The following SPATA6L variants were observed in gnomAD, a reference collection of about 807,000 sequenced individuals.
SPATA6L encodes spermatogenesis associated 6-like protein.
In SPATA6L, 68 loss-of-function variants were observed where a neutral mutation model predicts 49.2. The ratio of observed to expected loss-of-function variants is 1.38; its 90% CI spans 1.14 to 1.69. The LOEUF (loss-of-function observed/expected upper bound fraction) is 1.69. Among genes scored for constraint, SPATA6L ranks in the 40% most tolerant of loss-of-function variants. The probability of loss-of-function intolerance (pLI) is 0.00; values close to 1 mark genes in which losing one functional copy is unlikely to be tolerated. For missense variants in SPATA6L, 668 were observed against 464.3 expected (o/e 1.44, Z -4.03); for synonymous variants, 198 against 165.7 (o/e 1.19, Z -1.50).
intron 1 of SPATA6L, chr9:4,663,427 A>C (rs895603331): frequency 2.7e-6 from 2 of 733,140 alleles, no homozygotes; most frequent in Non-Finnish European, 4.6e-6. Flanking sequence ...TGGAGCACAC[A>C]CTGGCCATTA....
chr9:4,609,720 C>T (rs1281376096), intron 9 of SPATA6L, among the ~76,000 whole-genome samples: 3 of 151,330 alleles, frequency 2.0e-5, no homozygotes, highest in Non-Finnish European at 4.4e-5. Context: ...GAAGCATTCC[C>T]TTTGAAAACT....
chr9:4,633,912 T>A (rs1253641492), intron 4 of SPATA6L, among the ~76,000 whole-genome samples: 1 of 152,222 alleles, frequency 6.6e-6, no homozygotes, highest in East Asian at 1.9e-4. Context: ...TATAATTTGA[T>A]TAAGTTAATT....
At chr9:4,594,932 G>T (rs1822146663), downstream of SPATA6L, among the ~76,000 whole-genome samples, 1 of 151,968 alleles carries the variant, frequency 6.6e-6, no homozygotes, top group South Asian at 2.1e-4. Flanking sequence ...CACCCACCTT[G>T]ACCCCTAGTA....
At chr9:4,654,533 G>A (rs1474706618) in intron 3 of SPATA6L, among the ~76,000 whole-genome samples, 1 of 152,216 alleles carries the variant, frequency 6.6e-6, no homozygotes, top group Non-Finnish European at 1.5e-5. Flanking sequence ...AGGACAGAGG[G>A]CTTTCTGTAC....
chr9:4,618,243 A>T, intron 8 of SPATA6L, 133 bp from the exon 9 acceptor site: 1 of 658,488 alleles, frequency 1.5e-6, no homozygotes, highest in East Asian at 2.9e-5. Flanking sequence ...ATCTCCTGCA[A>T]ATAGAAGAGG....
intron 6 of SPATA6L, 155 bp downstream of exon 6, chr9:4,625,172 G>A: frequency 3.0e-6 from 4 of 1,339,994 alleles, no homozygotes; most frequent in Non-Finnish European, 2.9e-6. Context: ...AACGATCTAG[G>A]AAATGAACAT....
At position 4,663,352 on chromosome 9, in the gene SPATA6L, C is replaced by G. The variant is rs1277597418; in HGVS notation, c.40-1316G>C. The G allele has an allele frequency of 1.1e-5, 15 of 1,366,358 alleles. No homozygotes were observed. In the Admixed American group the frequency reaches 2.3e-4, roughly 21 times the overall value. The allele number at this position is 1,366,358 out of a possible 1,614,324, so 84.6% of individuals were successfully genotyped here. On this transcript the variant is annotated intron_variant, in intron 1 of 11. Coordinates refer to ENST00000682582, the MANE Select transcript of SPATA6L (RefSeq NM_001353486.2). ...AAACCAGCAGCCATCCCGCTTGTCC[C>G]TCTTAGGCATTTCAGGCTTCCTTTG...
chr9:4,648,188 C>A (rs112193299), intron 3 of SPATA6L, among the ~76,000 whole-genome samples: 1 of 151,624 alleles, frequency 6.6e-6, no homozygotes, highest in East Asian at 1.9e-4. Flanking sequence ...TGTAGATTTA[C>A]GAAAAAAATT....
At chr9:4,650,209 G>T (rs557452847) in intron 3 of SPATA6L, among the ~76,000 whole-genome samples, 5 of 152,246 alleles carry the variant, frequency 3.3e-5, no homozygotes, top group African/African-American at 1.2e-4. Context: ...GACCTAGCCT[G>T]CTCCCATTCT....
intron 4 of SPATA6L, among the ~76,000 whole-genome samples, chr9:4,634,991 A>C (rs1396728661): frequency 2.0e-5 from 3 of 152,352 alleles, no homozygotes; most frequent in African/African-American, 4.8e-5. Context: ...ATAACTAAAC[A>C]AACAAATCTT....
chr9:4,629,031 C>A (rs750664497), intron 5 of SPATA6L, 60 bp downstream of exon 5: 1 of 1,264,406 alleles, frequency 7.9e-7, no homozygotes, highest in African/African-American at 1.6e-5. Flanking sequence ...GGCAAAAATT[C>A]TTTAAATTTG....
intron 3 of SPATA6L, among the ~76,000 whole-genome samples, chr9:4,640,087 T>C (rs1415546287): frequency 2.0e-5 from 3 of 152,252 alleles, no homozygotes; most frequent in African/African-American, 7.2e-5. Flanking sequence ...AATTAAGCCC[T>C]GTTAAGTGAA....
At chr9:4,658,134 A>C (rs530530436) in intron 2 of SPATA6L, among the ~76,000 whole-genome samples, 1 of 152,336 alleles carries the variant, frequency 6.6e-6, no homozygotes, top group South Asian at 2.1e-4. Flanking sequence ...TGTAGCCTCC[A>C]GAACAGTGAG....
chr9:4,663,692 T>A (rs1587582544), intron 1 of SPATA6L: 1 of 176,478 alleles, frequency 5.7e-6, no homozygotes, highest in East Asian at 1.8e-4. Flanking sequence ...ACAGGTCATG[T>A]ACTAATCCTA....
chr9:4,626,340 A>C, intron 5 of SPATA6L: 1 of 1,246,434 alleles, frequency 8.0e-7, no homozygotes, highest in Non-Finnish European at 1.0e-6. Flanking sequence ...CTAGACCCAC[A>C]GGAACCTTCC....
intron 3 of SPATA6L, among the ~76,000 whole-genome samples, chr9:4,647,328 G>T (rs894762554): frequency 6.6e-6 from 1 of 151,916 alleles, no homozygotes; most frequent in Non-Finnish European, 1.5e-5. Flanking sequence ...ACAGTGGCTC[G>T]TGCCTGTAAT....
At chr9:4,664,613 C>A (rs558450792) in intron 1 of SPATA6L, 2 of 167,216 alleles carry the variant, frequency 1.2e-5, no homozygotes, top group Admixed American at 1.3e-4. Flanking sequence ...TTAAGTGCTG[C>A]TCTACCTGAA....
At chr9:4,601,992 C>G (rs1823418925) in intron 11 of SPATA6L, among the ~76,000 whole-genome samples, 1 of 152,116 alleles carries the variant, frequency 6.6e-6, no homozygotes, top group Non-Finnish European at 1.5e-5. Context: ...CTCCAGGATC[C>G]CAGCCTCTCC....
intron 2 of SPATA6L, among the ~76,000 whole-genome samples, chr9:4,660,865 G>A (rs2130792565): frequency 6.6e-6 from 1 of 152,210 alleles, no homozygotes; most frequent in Non-Finnish European, 1.5e-5. Context: ...AAAAGGATGA[G>A]TTCGTGTCCT....
Sources: gnomAD v4.1 joint callset for allele counts (sites outside exome capture counted in the v4.1 genomes callset) on GRCh38, gnomAD v4.1.1 for gene constraint, MANE v1.5 for transcripts, NCBI Gene and HGNC (gene_info 2026-07-23, HGNC 2026-07-21) for gene names.